ATXN10: variants seen among roughly 807,000 people sequenced by gnomAD.
The protein encoded by ATXN10 is ataxin 10.
In ATXN10, 28 loss-of-function variants were observed where a neutral mutation model predicts 52.9. The observed-to-expected ratio is 0.53, with a 90% CI of 0.39 to 0.73. The LOEUF (loss-of-function observed/expected upper bound fraction) is 0.73, where lower values mean the gene tolerates loss of function less well. Among genes scored for constraint, ATXN10 ranks in the 30% least tolerant of loss-of-function variants. ATXN10 has a pLI of 0.00. For missense variants in ATXN10, 565 were observed against 577.0 expected (o/e 0.98, Z 0.21); for synonymous variants, 226 against 221.5 (o/e 1.02, Z -0.18).
chr22:45,831,383 AAT>A (rs1491062035), intron 10 of ATXN10, among the ~76,000 whole-genome samples: 1 of 152,034 alleles, frequency 6.6e-6, no homozygotes, highest in African/African-American at 2.4e-5. Flanking sequence ...AAAAAAAAAA[AAT>A]TTTGGAGAAA....
At chr22:45,796,515 T>C (rs136005) in intron 9 of ATXN10, among the ~76,000 whole-genome samples, 144,201 of 152,266 alleles carry the variant, frequency 0.95, 68,374 homozygotes, top group East Asian at 1. Flanking sequence ...ACTGCTTTTG[T>C]GGCTCAAGGG....
At chr22:45,800,292 C>T (rs1001051031) in intron 9 of ATXN10, among the ~76,000 whole-genome samples, 8 of 152,264 alleles carry the variant, frequency 5.3e-5, no homozygotes, top group African/African-American at 1.9e-4. Flanking sequence ...GAGAAGAAAA[C>T]AACCCAGTTA....
At chr22:45,726,094 G>A (rs1924857383) in intron 6 of ATXN10, among the ~76,000 whole-genome samples, 1 of 152,148 alleles carries the variant, frequency 6.6e-6, no homozygotes, top group Non-Finnish European at 1.5e-5. Context: ...GTTCATCAGG[G>A]ATATTGGTCT....
chr22:45,814,105 A>G (rs1231053201), intron 10 of ATXN10, among the ~76,000 whole-genome samples: 1 of 152,228 alleles, frequency 6.6e-6, no homozygotes, highest in African/African-American at 2.4e-5. Context: ...AAAACAAAAG[A>G]GCTTCTAGAA....
intron 9 of ATXN10, among the ~76,000 whole-genome samples, chr22:45,803,243 G>A (rs1927985441): frequency 1.3e-5 from 2 of 152,172 alleles, no homozygotes; most frequent in Admixed American, 6.5e-5. Context: ...GACCCCAGCA[G>A]CCTGGCTCCA....
intron 9 of ATXN10, among the ~76,000 whole-genome samples, chr22:45,742,597 T>C (rs188382682): frequency 5.3e-5 from 8 of 151,840 alleles, no homozygotes; most frequent in African/African-American, 1.9e-4. Context: ...CCAGTACACT[T>C]TAAGATACAT....
intron 9 of ATXN10, among the ~76,000 whole-genome samples, chr22:45,798,354 C>T (rs181786105): frequency 5.3e-5 from 8 of 152,194 alleles, no homozygotes; most frequent in South Asian, 2.1e-4. Context: ...TTATCTCAGC[C>T]GTGCACTGTT....
In ATXN10 at chr22:45,842,929, A is replaced by G; in HGVS notation, c.1238-62A>G. The stretch of plus-strand genomic sequence containing the variant: ...GTGCTCCTCTACTCCTTTTCTGATA[A>G]TTCTTATGTGAAGTTATCAAACAGG... On this transcript the variant is annotated intron_variant, in intron 10 of 11. Coordinates refer to ENST00000252934, the MANE Select transcript of ATXN10 (RefSeq NM_013236.4). The surrounding 1 kb of genome is among the most constrained non-coding windows in gnomAD (Gnocchi z 4.8). 1.9e-6 allele frequency: 3 copies of G among 1,553,280 alleles called. No individual in the cohort carries two copies. Among genetic ancestry groups the G allele is most frequent in the Non-Finnish European group, 2.7e-6 (3 of 1,125,202 alleles).
rs1928782727 is a variant in ATXN10 at position 45,825,402 on chromosome 22, T to C, written c.1238-17589T>C. On this transcript the variant is annotated intron_variant, in intron 10 of 11. Transcript: ENST00000252934. The surrounding 1 kb of genome is among the most constrained non-coding windows in gnomAD (Gnocchi z 4.5). ...AAAATAACTGTATATACAGGGAAAA[T>C]TAGAAAGTCACCGTAGATTCCCAGG... Among the ~76,000 whole-genome samples, 1 of 152,034 alleles carries C rather than the reference T, an allele frequency of 6.6e-6. No homozygotes were observed. The highest frequency in any genetic ancestry group is 1.5e-5 in the Non-Finnish European group (1 of 68,008).
chr22:45,790,996 A>G lies in ATXN10; in HGVS notation c.1174-15963A>G, dbSNP rs1259313382. ...CAGCCTCCCCAGTAGCTGGGACTACAGTTACACACTGTCACACCCAGCTAA... is the reference window on the plus strand; with the variant it reads ...CAGCCTCCCCAGTAGCTGGGACTACGGTTACACACTGTCACACCCAGCTAA... On this transcript the variant is annotated intron_variant, in intron 9 of 11. Coordinates refer to ENST00000252934, the MANE Select transcript of ATXN10 (RefSeq NM_013236.4). The surrounding 1 kb of genome is among the most constrained non-coding windows in gnomAD (Gnocchi z 4.7). Among the ~76,000 whole-genome samples, 1 of 152,148 alleles carries G rather than the reference A, an allele frequency of 6.6e-6. No individual in the cohort carries two copies. Among genetic ancestry groups the G allele is most frequent in the Non-Finnish European group, 1.5e-5 (1 of 68,022 alleles).
At chr22:45,822,747 C>T (rs1428682673) in intron 10 of ATXN10, among the ~76,000 whole-genome samples, 1 of 151,918 alleles carries the variant, frequency 6.6e-6, no homozygotes, top group Non-Finnish European at 1.5e-5. Flanking sequence ...GTCTTGAACT[C>T]CTGACCTCAG....
chr22:45,764,426 G>T (rs901540036), intron 9 of ATXN10, among the ~76,000 whole-genome samples: 6 of 152,134 alleles, frequency 3.9e-5, no homozygotes, highest in Admixed American at 2.0e-4. Flanking sequence ...CCATGAGTTT[G>T]AGTCTCAACT....
Position 45,820,566 on chromosome 22 carries a change from A to C in ATXN10, c.1237+13544A>C, listed in dbSNP as rs1327617062. On this transcript the variant is annotated intron_variant, in intron 10 of 11. Transcript: ENST00000252934. This position sits in a 1 kb window ranked among gnomAD's most constrained non-coding sequence, Gnocchi z 4.9. ...GCCTCTGGCTGCTTTGGGCTTTCTG[A>C]TCCTTGTGGTTTTGTAGATCCACAT... 6.6e-6 allele frequency among the ~76,000 whole-genome samples: 1 copy of C among 152,178 alleles called. No individual in the cohort carries two copies. Among genetic ancestry groups the C allele is most frequent in the African/African-American group, 2.4e-5 (1 of 41,444 alleles).
At position 45,837,331 on chromosome 22, in the gene ATXN10, C is replaced by G. The variant is rs561012612; in HGVS notation, c.1238-5660C>G. On this transcript the variant is annotated intron_variant, in intron 10 of 11. Coordinates refer to ENST00000252934, the MANE Select transcript of ATXN10 (RefSeq NM_013236.4). The surrounding 1 kb of genome is among the most constrained non-coding windows in gnomAD (Gnocchi z 5.8). The stretch of plus-strand genomic sequence containing the variant: ...CTGCAGTGCAGTGGCGCAATCTCGG[C>G]TCACTGCAGCCTCTGCCTCCCGGGT... 6.6e-6 allele frequency among the ~76,000 whole-genome samples: 1 copy of G among 152,286 alleles called. No homozygotes were observed. The highest frequency in any genetic ancestry group is 1.9e-4 in the East Asian group (1 of 5,174).
At position 45,816,942 on chromosome 22, in the gene ATXN10, G is replaced by T. The variant is rs1928481444; in HGVS notation, c.1237+9920G>T. On this transcript the variant is annotated intron_variant, in intron 10 of 11. Coordinates refer to ENST00000252934, the MANE Select transcript of ATXN10 (RefSeq NM_013236.4). The surrounding 1 kb of genome is among the most constrained non-coding windows in gnomAD (Gnocchi z 5.8). ...CAGGCCTGCCAAACAGCAGCCGGAA[G>T]GAGGCTCCTCAGGGAAGTGTCTTAA... is the stretch of plus-strand genomic sequence containing the variant. Among the ~76,000 whole-genome samples the T allele has an allele frequency of 6.6e-6, 1 of 152,212 alleles. No individual in the cohort carries two copies.
chr22:45,740,271 CT>C, intron 8 of ATXN10, 97 bp from the exon 9 acceptor site: 1 of 1,161,164 alleles, frequency 8.6e-7, no homozygotes, highest in Non-Finnish European at 1.3e-6. Context: ...TACCTTTAGC[CT>C]ATTACAATAA....
At position 45,823,200 on chromosome 22, in the gene ATXN10, T is replaced by C; in HGVS notation, c.1237+16178T>C. ...TTCTTGAGTGTCCCGTCTCCCTCAC[T>C]GCCAATCCCCAGATGTAACTTCTGT... On this transcript the variant is annotated intron_variant, in intron 10 of 11. Coordinates refer to ENST00000252934, the MANE Select transcript of ATXN10 (RefSeq NM_013236.4). The surrounding 1 kb of genome is among the most constrained non-coding windows in gnomAD (Gnocchi z 4.9). 4.2e-6 allele frequency: 2 copies of C among 471,806 alleles called. No homozygotes were observed. The highest frequency in any genetic ancestry group is 3.1e-5 in the South Asian group (2 of 64,548). 29.2% of individuals were successfully genotyped at this position (471,806 alleles called of 1,614,324 possible).
intron 1 of ATXN10, chr22:45,674,260 T>TTG (rs1555886782): frequency 3.3e-5 from 5 of 151,882 alleles, no homozygotes; most frequent in African/African-American, 1.2e-4. Flanking sequence ...AGTTGGATTG[T>TTG]GGGGGGGAGA....
At position 45,757,347 on chromosome 22, in the gene ATXN10, A is replaced by G. The variant is rs185636516; in HGVS notation, c.1173+16809A>G. Among the ~76,000 whole-genome samples, 1 of 152,316 alleles carries G rather than the reference A, an allele frequency of 6.6e-6. No homozygotes were observed. Among genetic ancestry groups the G allele is most frequent in the Non-Finnish European group, 1.5e-5 (1 of 68,014 alleles). On this transcript the variant is annotated intron_variant, in intron 9 of 11. Coordinates refer to ENST00000252934, the MANE Select transcript of ATXN10 (RefSeq NM_013236.4). This position sits in a 1 kb window ranked among gnomAD's most constrained non-coding sequence, Gnocchi z 4.6. ...TCAGAGCTTCAGTGTAACTGGAGCA[A>G]TACCAGCTGATTCTAACAGTGTGGC...
Sources: allele counts gnomAD v4.1 joint callset (sites outside exome capture counted in the v4.1 genomes callset), GRCh38; gene constraint gnomAD v4.1.1; non-coding constraint Gnocchi (gnomAD v3.1); transcripts MANE v1.5; gene names NCBI Gene and HGNC (gene_info 2026-07-23, HGNC 2026-07-21).